The following SEPTIN8 variants were observed in gnomAD, a reference collection of about 807,000 sequenced individuals.
SEPTIN8 encodes the protein septin 8, also known as septin-8.
In SEPTIN8, 22 loss-of-function variants were observed where a neutral mutation model predicts 53.1. The ratio of observed to expected loss-of-function variants is 0.41; its 90% CI spans 0.30 to 0.59. The LOEUF (loss-of-function observed/expected upper bound fraction) is 0.59, where lower values mean the gene tolerates loss of function less well. Ranked by LOEUF, SEPTIN8 falls within the 20% of genes least tolerant of loss-of-function variation. The probability of loss-of-function intolerance (pLI) is 0.24; values close to 1 mark genes in which losing one functional copy is unlikely to be tolerated. For synonymous variants in SEPTIN8, 228 were observed against 248.4 expected, an observed-to-expected ratio of 0.92 and a Z score of 0.77; for missense variants, 536 against 638.7, an observed-to-expected ratio of 0.84 and a Z score of 1.73.
At chr5:132,755,116 G>A (rs1392653677) in intron 9 of SEPTIN8, among the ~76,000 whole-genome samples, 2 of 152,104 alleles carry the variant, frequency 1.3e-5, no homozygotes, top group Non-Finnish European at 2.9e-5. Context: ...TTGCCTCCCT[G>A]CTGCCTGCAC....
chr5:132,760,923 G>C lies in SEPTIN8; in HGVS notation c.1165C>G (p.Arg389Gly), dbSNP rs774181915. 2.5e-6 allele frequency: 4 copies of C among 1,605,768 alleles called. No individual in the cohort carries two copies. Among genetic ancestry groups the C allele is most frequent in the Non-Finnish European group, 3.4e-6 (4 of 1,177,114 alleles). The change falls in exon 9 of 10, where the codon CGG (arginine) becomes GGG (glycine). Residue 389 changes from arginine (R) to glycine (G), a missense_variant. Transcript: ENST00000378719. The surrounding 1 kb of genome is among the most constrained non-coding windows in gnomAD (Gnocchi z 5.2). ...GCGTTGGTCTCCTCCTCCAGTTCCC[G>C]GCGCTTTTCCTCCACCTTGCGCTTC... ...EEKRKVEEKR[R>G]ELEEETNAFN... is the part of the protein sequence containing the mutation.
Position 132,777,179 on chromosome 5 carries a change from G to T in SEPTIN8, c.-42C>A. On this transcript the variant is annotated 5_prime_UTR_variant, in exon 1 of 10. Transcript: ENST00000378719. The surrounding 1 kb of genome is among the most constrained non-coding windows in gnomAD (Gnocchi z 4.1). ...GGCGGGTGGGCTGGGACGAGCGCAG[G>T]GGCAGCGACAGGGACCAGCCGGCTG... 1 of 1,165,720 alleles carries T rather than the reference G, an allele frequency of 8.6e-7. No homozygotes were observed. Among genetic ancestry groups the T allele is most frequent in the East Asian group, 3.9e-5 (1 of 25,850 alleles). 72.2% of individuals were successfully genotyped at this position (1,165,720 alleles called of 1,614,324 possible). A position where few individuals can be genotyped will look rare whatever the true frequency, so the allele number is the denominator to read the frequency against.
At position 132,761,396 on chromosome 5, in the gene SEPTIN8, T is replaced by C. The variant is rs1755932557; in HGVS notation, c.962+62A>G. On this transcript the variant is annotated intron_variant, in intron 7 of 9. Coordinates refer to ENST00000378719, the MANE Select transcript of SEPTIN8 (RefSeq NM_001098811.2). This position sits in a 1 kb window ranked among gnomAD's most constrained non-coding sequence, Gnocchi z 5.8. The stretch of plus-strand genomic sequence containing the variant: ...GATGTGGGGTCCCTCAGGGAACAGA[T>C]GCCAGGGTGGTGTGTCTGGCCACAG... 7 of 1,586,844 alleles carry C rather than the reference T, an allele frequency of 4.4e-6. No homozygotes were observed. In the Admixed American group the frequency reaches 6.8e-5, roughly 15 times the overall value.
rs1178804404 is a variant in SEPTIN8, at chr5:132,773,908, G to C, written c.30+3200C>G. 5 of 152,456 alleles carry C rather than the reference G, an allele frequency of 3.3e-5. No homozygotes were observed. Among genetic ancestry groups the C allele is most frequent in the African/African-American group, 1.2e-4 (5 of 41,572 alleles). The allele number at this position is 152,456 out of a possible 1,614,324, so 9.4% of individuals were successfully genotyped here. A position where few individuals can be genotyped will look rare whatever the true frequency, so the allele number is the denominator to read the frequency against. On this transcript the variant is annotated intron_variant, in intron 1 of 9. Transcript: ENST00000378719. The surrounding 1 kb of genome is among the most constrained non-coding windows in gnomAD (Gnocchi z 4.2). Reference sequence around the variant, plus strand: ...GGTCTGATGCCCAAGAGAGAGGGAGGGCAGGCAGACTCACCTCCTGGGGGA... The same window carrying C: ...GGTCTGATGCCCAAGAGAGAGGGAGCGCAGGCAGACTCACCTCCTGGGGGA...
rs971047088 is a variant in SEPTIN8 at position 132,776,936 on chromosome 5, GGACCCCCCGATAGCGCGGCC to G, written c.30+152_30+171del. On this transcript the variant is annotated intron_variant, in intron 1 of 9. Coordinates refer to ENST00000378719, the MANE Select transcript of SEPTIN8 (RefSeq NM_001098811.2). The surrounding 1 kb of genome is among the most constrained non-coding windows in gnomAD (Gnocchi z 4.4). ...GCAAGGCAGGCCGCCCGACGCTCCG[GGACCCCCCGATAGCGCGGCC>G]GAGAGCCCGCGCCGGGGTCCTCGAG... Among the ~76,000 whole-genome samples, 3 of 152,096 alleles carry G rather than the reference GGACCCCCCGATAGCGCGGCC, an allele frequency of 2.0e-5. No homozygotes were observed. The highest frequency in any genetic ancestry group is 7.2e-5 in the African/African-American group (3 of 41,446).
At position 132,760,375 on chromosome 5, in the gene SEPTIN8, C is replaced by T. The variant is rs1755776717; in HGVS notation, c.1286+427G>A. On this transcript the variant is annotated intron_variant, in intron 9 of 9. Coordinates refer to ENST00000378719, the MANE Select transcript of SEPTIN8 (RefSeq NM_001098811.2). This position sits in a 1 kb window ranked among gnomAD's most constrained non-coding sequence, Gnocchi z 5.2. ...TCCCAGCATTCCCAGAGCCCTGCAG[C>T]TTCGCCCTCTCCACGCTGCTCCTCA... Among the ~76,000 whole-genome samples the T allele has an allele frequency of 6.6e-6, 1 of 152,156 alleles. No individual in the cohort carries two copies. Among genetic ancestry groups the T allele is most frequent in the Non-Finnish European group, 1.5e-5 (1 of 68,042 alleles).
At chr5:132,778,480 T>G (rs146302134), upstream of SEPTIN8, among the ~76,000 whole-genome samples, 87 of 152,326 alleles carry the variant, frequency 5.7e-4, no homozygotes, top group African/African-American at 2.0e-3. Context: ...GTCCCCAAGG[T>G]GGACTGACTT....
intron 1 of SEPTIN8, chr5:132,774,104 G>A (rs893984152): frequency 4.2e-5 from 7 of 165,796 alleles, no homozygotes; most frequent in African/African-American, 1.7e-4. Context: ...CCTCATTTGG[G>A]TGCGGGCTCT....
chr5:132,753,022 C>A, intron 9 of SEPTIN8: 3 of 1,384,214 alleles, frequency 2.2e-6, no homozygotes, highest in Non-Finnish European at 2.1e-6. Flanking sequence ...AACCTCCTTG[C>A]TTGGACTACC....
At chr5:132,758,781 A>C in intron 9 of SEPTIN8, 1 of 1,614,170 alleles carries the variant, frequency 6.2e-7, no homozygotes. Flanking sequence ...AACACATGAA[A>C]GTCTAAAGTC....
chr5:132,759,140 A>G, intron 9 of SEPTIN8: 1 of 487,024 alleles, frequency 2.1e-6, no homozygotes, highest in South Asian at 1.8e-5. Context: ...CCCGACTCAC[A>G]CTAGTCCCTT....
At chr5:132,759,627 A>G (rs959918714) in intron 9 of SEPTIN8, among the ~76,000 whole-genome samples, 2 of 152,190 alleles carry the variant, frequency 1.3e-5, no homozygotes, top group African/African-American at 2.4e-5. Context: ...CTCCATTGCC[A>G]CCAAGGAAGG....
rs1225529785 is a variant in SEPTIN8 at position 132,762,475 on chromosome 5, A to C, written c.696+9T>G. On this transcript the variant is annotated intron_variant, in intron 5 of 9. Transcript: ENST00000378719. ...CCCCAGGGCCCTGAGGCCCTCACCC[A>C]ACGCTCACATTCATGACTGCGTTAA... 2.5e-6 allele frequency: 4 copies of C among 1,613,826 alleles called. No individual in the cohort carries two copies. In the African/African-American group the frequency reaches 5.3e-5, roughly 22 times the overall value.
chr5:132,752,903 T>G, intron 9 of SEPTIN8: 1 of 1,614,166 alleles, frequency 6.2e-7, no homozygotes, highest in Non-Finnish European at 8.5e-7. Context: ...AAGGAACTTG[T>G]AATGCAGCAA....
At position 132,765,664 on chromosome 5, in the gene SEPTIN8, C is replaced by T. The variant is rs530729896; in HGVS notation, c.31-135G>A. 89 of 1,120,400 alleles carry T rather than the reference C, an allele frequency of 7.9e-5. No homozygotes were observed. The African/African-American group carries it at 9.4e-4, about 12-fold the overall frequency. The allele number at this position is 1,120,400 out of a possible 1,614,324, so 69.4% of individuals were successfully genotyped here. ...CTGAATTCTCAACAAATCTCAGACA[C>T]ACCCTGAGTACACCCGAGCACCAAC... On this transcript the variant is annotated intron_variant, in intron 1 of 9. Coordinates refer to ENST00000378719, the MANE Select transcript of SEPTIN8 (RefSeq NM_001098811.2).
At chr5:132,777,480 G>A (rs1247135251), upstream of SEPTIN8, 7 of 975,178 alleles carry the variant, frequency 7.2e-6, no homozygotes, top group Non-Finnish European at 8.5e-6. The surrounding 1 kb of genome is among the most constrained non-coding windows in gnomAD (Gnocchi z 4.1). Context: ...GTGTCGGGGG[G>A]CTCGGGGCTG....
Position 132,766,083 on chromosome 5 carries a change from A to G in SEPTIN8, c.31-554T>C, listed in dbSNP as rs531526262. ...CTATCAGCTGGGCTCGTAGCCCTCCATGTTCACCCCTGCTCCTCACACACC... is the reference window on the plus strand; with the variant it reads ...CTATCAGCTGGGCTCGTAGCCCTCCGTGTTCACCCCTGCTCCTCACACACC... On this transcript the variant is annotated intron_variant, in intron 1 of 9. Transcript: ENST00000378719. Among the ~76,000 whole-genome samples, 7 of 152,218 alleles carry G rather than the reference A, an allele frequency of 4.6e-5. No homozygotes were observed. In the South Asian group the frequency reaches 8.3e-4, roughly 18 times the overall value.
At chr5:132,765,192 C>T (rs984839239) in intron 2 of SEPTIN8, among the ~76,000 whole-genome samples, 2 of 152,044 alleles carry the variant, frequency 1.3e-5, no homozygotes, top group African/African-American at 4.8e-5. Context: ...TTCATGTGCC[C>T]GATCCAGTTT....
At chr5:132,757,067 C>A (rs1308825213) in intron 9 of SEPTIN8, 1 of 985,454 alleles carries the variant, frequency 1.0e-6, no homozygotes, top group Non-Finnish European at 1.2e-6. Context: ...TAGATACCCT[C>A]ACTGAAGCAT....
Sources: allele counts gnomAD v4.1 joint callset (sites outside exome capture counted in the v4.1 genomes callset), GRCh38; gene constraint gnomAD v4.1.1; non-coding constraint Gnocchi (gnomAD v3.1); transcripts MANE v1.5; gene names NCBI Gene and HGNC (gene_info 2026-07-23, HGNC 2026-07-21).